The following MBTD1 variants were observed in gnomAD, a reference collection of about 807,000 sequenced individuals.
MBTD1 encodes mbt domain containing 1.
A neutral mutation model predicts 87.8 loss-of-function variants in MBTD1; 24 were observed. The observed-to-expected ratio is 0.27, with a 90% CI of 0.20 to 0.38. MBTD1 has a LOEUF of 0.38. Among genes scored for constraint, MBTD1 ranks in the 10% least tolerant of loss-of-function variants. The pLI, the probability that MBTD1 is intolerant of heterozygous loss-of-function variation, is 1.00. For synonymous variants in MBTD1, 237 were observed against 248.6 expected (o/e 0.95, Z 0.44); for missense variants, 436 against 760.2 (o/e 0.57, Z 5.02).
At position 51,179,500 on chromosome 17, in the gene MBTD1, A is replaced by ATTCATATATATATATATT; in HGVS notation, c.*1075_*1076insAATATATATATATATGAA. Reference sequence around the variant, plus strand: ...AAGACAATTTTATATATATATATATATATATATATATATATATATATATAT... The same window carrying ATTCATATATATATATATT: ...AAGACAATTTTATATATATATATATATTCATATATATATATATTTATATATATATATATATATATATAT... On this transcript the variant is annotated 3_prime_UTR_variant, in exon 17 of 17. Coordinates refer to ENST00000586178, the MANE Select transcript of MBTD1 (RefSeq NM_017643.3). 3.4e-5 allele frequency: 2 copies of ATTCATATATATATATATT among 58,526 alleles called. No individual in the cohort carries two copies. Among genetic ancestry groups the ATTCATATATATATATATT allele is most frequent in the South Asian group, 4.8e-4 (1 of 2,084 alleles). The allele number at this position is 58,526 out of a possible 1,614,324, so 3.6% of individuals were successfully genotyped here.
intron 12 of MBTD1, among the ~76,000 whole-genome samples, chr17:51,199,166 T>C (rs2051315693): frequency 6.6e-6 from 1 of 152,160 alleles, no homozygotes; most frequent in African/African-American, 2.4e-5. Flanking sequence ...TAGCACAATC[T>C]CAGCTCACTG....
At chr17:51,182,641 A>G (rs934938390) in intron 16 of MBTD1, among the ~76,000 whole-genome samples, 1 of 152,192 alleles carries the variant, frequency 6.6e-6, no homozygotes, top group Non-Finnish European at 1.5e-5. Context: ...CAGGTTGCCC[A>G]CAATACTCAC....
Position 51,195,356 on chromosome 17 carries a change from T to C in MBTD1, c.1230A>G (p.Leu410=), listed in dbSNP as rs1020239469. ...TICVATIRKV[L]ADGFLMIGID... ...TCCCAATCATCAGGAATCCGTCAGC[T>C]AGCACCTTTTCAATGAAGAGAATTC... Residue 410 remains leucine (L), a synonymous_variant, in exon 13 of 17, where the codon CTA becomes CTG. Transcript: ENST00000586178. 5 of 1,593,280 alleles carry C rather than the reference T, an allele frequency of 3.1e-6. No homozygotes were observed. In the African/African-American group the frequency reaches 6.7e-5, roughly 21 times the overall value.
intron 6 of MBTD1, among the ~76,000 whole-genome samples, chr17:51,212,085 C>T (rs1355195139): frequency 6.6e-6 from 1 of 152,062 alleles, no homozygotes; most frequent in Non-Finnish European, 1.5e-5. Flanking sequence ...TGCGGCCAGG[C>T]GCGGTGGCTC....
At chr17:51,257,993 G>GA (rs1055910624) in intron 2 of MBTD1, among the ~76,000 whole-genome samples, 4 of 134,702 alleles carry the variant, frequency 3.0e-5, no homozygotes, top group African/African-American at 1.2e-4. Context: ...TTGTTATTCA[G>GA]AGAAGGAGGT....
At position 51,192,219 on chromosome 17, in the gene MBTD1, G is replaced by A. The variant is rs1229989640; in HGVS notation, c.1752C>T (p.Tyr584=). 4.5e-6 allele frequency: 7 copies of A among 1,551,070 alleles called. No individual in the cohort carries two copies. In the South Asian group the frequency reaches 8.3e-5, roughly 18 times the overall value. Residue 584 remains tyrosine (Y), a synonymous_variant, in exon 16 of 17, where the codon TAC becomes TAT. Coordinates refer to ENST00000586178, the MANE Select transcript of MBTD1 (RefSeq NM_017643.3). ...GTGACCCACTTTTCTTATGTCCTTT[G>A]TATTGCTGGGACTTAGCCTTTTTCT... ...KQKKKAKSQQ[Y]KGHKKMTTLQ... is the part of the protein sequence containing the mutation.
Position 51,179,494 on chromosome 17 carries a change from A to ATATATATATATATATATATATTTATATT in MBTD1, c.*1081_*1082insAATATAAATATATATATATATATATATA, listed in dbSNP as rs2050212383. 1 of 41,462 alleles carries ATATATATATATATATATATATTTATATT rather than the reference A, an allele frequency of 2.4e-5. No homozygotes were observed. The highest frequency in any genetic ancestry group is 4.8e-5 in the Non-Finnish European group (1 of 20,710). The allele number at this position is 41,462 out of a possible 1,614,324, so 2.6% of individuals were successfully genotyped here. On this transcript the variant is annotated 3_prime_UTR_variant, in exon 17 of 17. Coordinates refer to ENST00000586178, the MANE Select transcript of MBTD1 (RefSeq NM_017643.3). Reference sequence around the variant, plus strand: ...CAATTAAAGACAATTTTATATATATATATATATATATATATATATATATAT... The same window carrying ATATATATATATATATATATATTTATATT: ...CAATTAAAGACAATTTTATATATATATATATATATATATATATATATTTATATTTATATATATATATATATATATATAT...
chr17:51,244,628 G>A (rs573934294), intron 2 of MBTD1, among the ~76,000 whole-genome samples: 2 of 152,188 alleles, frequency 1.3e-5, no homozygotes, highest in Admixed American at 6.5e-5. Context: ...GGCTGGTCTC[G>A]AACTCCTGGC....
intron 3 of MBTD1, among the ~76,000 whole-genome samples, chr17:51,223,866 G>A (rs997589948): frequency 3.3e-5 from 5 of 152,100 alleles, no homozygotes; most frequent in Non-Finnish European, 7.4e-5. Context: ...AAGACTGAAA[G>A]TTAGTAAGAA....
chr17:51,192,594 T>C (rs1476932613), intron 15 of MBTD1, 188 bp downstream of exon 15: 2 of 1,006,214 alleles, frequency 2.0e-6, no homozygotes, highest in Non-Finnish European at 2.8e-6. Flanking sequence ...GACTATTGGA[T>C]TCACATTGCC....
At chr17:51,253,249 A>T (rs1389520417) in intron 2 of MBTD1, among the ~76,000 whole-genome samples, 1 of 152,192 alleles carries the variant, frequency 6.6e-6, no homozygotes, top group Non-Finnish European at 1.5e-5. Context: ...TCCGGAAGGC[A>T]ATTTGACATT....
chr17:51,232,302 C>A (rs951440444), intron 2 of MBTD1, among the ~76,000 whole-genome samples: 1 of 152,076 alleles, frequency 6.6e-6, no homozygotes, highest in African/African-American at 2.4e-5. Context: ...ACCATTCAGG[C>A]CTTTCAGCAT....
intron 2 of MBTD1, among the ~76,000 whole-genome samples, chr17:51,251,900 G>C (rs1224772827): frequency 6.6e-6 from 1 of 152,126 alleles, no homozygotes; most frequent in Non-Finnish European, 1.5e-5. Context: ...CGAGAAGCTG[G>C]GATTACAGTG....
chr17:51,197,057 T>G (rs1292778066), intron 12 of MBTD1, among the ~76,000 whole-genome samples: 2 of 452 alleles, frequency 4.4e-3, no homozygotes, highest in Non-Finnish European at 0.011. Context: ...TATATATATA[T>G]ATATATATAT....
At chr17:51,259,546 G>T (rs2055330198) in intron 1 of MBTD1, among the ~76,000 whole-genome samples, 1 of 152,178 alleles carries the variant, frequency 6.6e-6, no homozygotes, top group African/African-American at 2.4e-5. Context: ...GCCAGAGCAG[G>T]GGGCGGGGGC....
rs71149351 is a variant in MBTD1, at chr17:51,197,041, GATATATAT to G, written c.1225-1688_1225-1681del. On this transcript the variant is annotated intron_variant, in intron 12 of 16. Transcript: ENST00000586178. ...TCTTTATCTATTATTATATATACAA[GATATATAT>G]ATATATATATATATATATATATATA... Among the ~76,000 whole-genome samples the G allele has an allele frequency of 6.8e-5, 6 of 87,606 alleles. 1 individual carries two copies. Among genetic ancestry groups the G allele is most frequent in the Non-Finnish European group, 1.5e-4 (6 of 40,970 alleles). The allele number at this position is 87,606 out of a possible 152,430, so 57.5% of individuals were successfully genotyped here.
chr17:51,253,705 TA>T (rs1294427811), intron 2 of MBTD1, among the ~76,000 whole-genome samples: 1 of 152,074 alleles, frequency 6.6e-6, no homozygotes, highest in Non-Finnish European at 1.5e-5. Flanking sequence ...ACTTCTATAA[TA>T]AAAAATAAAA....
At chr17:51,237,295 C>CA (rs368805446) in intron 2 of MBTD1, among the ~76,000 whole-genome samples, 11,737 of 59,650 alleles carry the variant, frequency 0.2, 1,024 homozygotes, top group African/African-American at 0.29. Context: ...GACTCCATCT[C>CA]AAAAAAAAAA....
intron 9 of MBTD1, 87 bp from the exon 10 acceptor site, chr17:51,203,022 G>A: frequency 7.9e-7 from 1 of 1,265,344 alleles, no homozygotes; most frequent in South Asian, 1.2e-5. Context: ...AATACTGAAT[G>A]CACTTGAAAT....
Sources: gnomAD v4.1 joint callset for allele counts (sites outside exome capture counted in the v4.1 genomes callset) on GRCh38, gnomAD v4.1.1 for gene constraint, MANE v1.5 for transcripts, NCBI Gene and HGNC (gene_info 2026-07-23, HGNC 2026-07-21) for gene names.